OSBPL3: variants seen among roughly 807,000 people sequenced by gnomAD.
OSBPL3 encodes oxysterol-binding protein-related protein 3.
Under a neutral mutation model 120.1 loss-of-function variants are expected in OSBPL3, and 65 were observed. That is an observed-to-expected ratio of 0.54 (90% CI 0.44 to 0.67). The LOEUF (loss-of-function observed/expected upper bound fraction) is 0.67. OSBPL3 is among the 30% of genes least tolerant of loss of function. The probability of loss-of-function intolerance (pLI) is 0.00; values close to 1 mark genes in which losing one functional copy is unlikely to be tolerated. For synonymous variants in OSBPL3, 416 were observed against 402.6 expected, an observed-to-expected ratio of 1.03 and a Z score of -0.40; for missense variants, 1,004 against 1,082.1, an observed-to-expected ratio of 0.93 and a Z score of 1.01.
chr7:24,868,944 T>G lies in OSBPL3; in HGVS notation c.381+1788A>C, dbSNP rs192588139. ...ATAACTGTCCAGGGTCCTGTTCCAG[T>G]CTCTCAAGCAGTTCTAGGGCCGTGG... On this transcript the variant is annotated intron_variant, in intron 5 of 22. Coordinates refer to ENST00000313367, the MANE Select transcript of OSBPL3 (RefSeq NM_015550.4). 2.5e-3 allele frequency among the ~76,000 whole-genome samples: 380 copies of G among 152,312 alleles called. 2 individuals carry two copies. The highest frequency in any genetic ancestry group is 8.3e-3 in the African/African-American group (346 of 41,566).
chr7:24,842,211 T>G, intron 13 of OSBPL3, 68 bp downstream of exon 13: 1 of 1,502,710 alleles, frequency 6.7e-7, no homozygotes, highest in Admixed American at 1.8e-5. Flanking sequence ...GATTATTTAC[T>G]GAACAGATTA....
Position 24,803,836 on chromosome 7 carries a change from TA to T in OSBPL3, c.2567+478del, listed in dbSNP as rs1365313060. On this transcript the variant is annotated intron_variant, in intron 22 of 22. Transcript: ENST00000313367. This position sits in a 1 kb window ranked among gnomAD's most constrained non-coding sequence, Gnocchi z 4.2. Reference sequence around the variant, plus strand: ...TGGCAAGTTATTTTAAAGATAACAGTAAATGTAAGCCCAAGTGTACTGGAAC... The same window carrying T: ...TGGCAAGTTATTTTAAAGATAACAGTAATGTAAGCCCAAGTGTACTGGAAC... Among the ~76,000 whole-genome samples the T allele has an allele frequency of 1.3e-5, 2 of 152,128 alleles. No individual in the cohort carries two copies. Among genetic ancestry groups the T allele is most frequent in the Admixed American group, 6.5e-5 (1 of 15,278 alleles).
chr7:24,871,836 AG>A lies in OSBPL3; in HGVS notation c.214-42del. Reference sequence around the variant, plus strand: ...TATTATTAATTAAGGCATTCAATTTAGGTGCCCTTTTCTTGGTCTCAAATTC... The same window carrying A: ...TATTATTAATTAAGGCATTCAATTTAGTGCCCTTTTCTTGGTCTCAAATTC... On this transcript the variant is annotated intron_variant, in intron 3 of 22. Transcript: ENST00000313367. This position sits in a 1 kb window ranked among gnomAD's most constrained non-coding sequence, Gnocchi z 4.8. The A allele has an allele frequency of 1.3e-6, 2 of 1,535,994 alleles. No individual in the cohort carries two copies. The highest frequency in any genetic ancestry group is 1.8e-6 in the Non-Finnish European group (2 of 1,109,658).
intron 1 of OSBPL3, among the ~76,000 whole-genome samples, chr7:24,926,050 G>A (rs993509676): frequency 6.6e-6 from 1 of 152,200 alleles, no homozygotes; most frequent in Non-Finnish European, 1.5e-5. Flanking sequence ...CTACTATCAG[G>A]CAGTTCCCAT....
intron 10 of OSBPL3, among the ~76,000 whole-genome samples, chr7:24,861,374 GA>G (rs1354877362): frequency 1.3e-5 from 2 of 152,140 alleles, no homozygotes; most frequent in East Asian, 3.8e-4. Flanking sequence ...AACATCACAT[GA>G]ATTGCTCAGC....
In OSBPL3 at chr7:24,819,628, G is replaced by A. The variant is rs1794876381; in HGVS notation, c.1948+547C>T. On this transcript the variant is annotated intron_variant, in intron 17 of 22. Transcript: ENST00000313367. The surrounding 1 kb of genome is among the most constrained non-coding windows in gnomAD (Gnocchi z 4.1). ...TTTTTAAAATGTATATGTGCTCACT[G>A]TCCAAAAACCTAGGATGCTTATATG... Among the ~76,000 whole-genome samples the A allele has an allele frequency of 6.6e-6, 1 of 152,082 alleles. No individual in the cohort carries two copies. The highest frequency in any genetic ancestry group is 2.4e-5 in the African/African-American group (1 of 41,396).
intron 12 of OSBPL3, 34 bp from the exon 13 acceptor site, chr7:24,842,447 T>C: frequency 2.7e-6 from 4 of 1,491,912 alleles, no homozygotes; most frequent in Non-Finnish European, 3.7e-6. Flanking sequence ...ATGTATACAT[T>C]TAAAAACATT....
In OSBPL3 at chr7:24,851,484, T is replaced by C. The variant is rs1473906875; in HGVS notation, c.1158+1020A>G. ...AGCATCACTTTTCTTGGCAATACGA[T>C]AAATAGAAAATATGAATCAACATTT... On this transcript the variant is annotated intron_variant, in intron 11 of 22. Coordinates refer to ENST00000313367, the MANE Select transcript of OSBPL3 (RefSeq NM_015550.4). This position sits in a 1 kb window ranked among gnomAD's most constrained non-coding sequence, Gnocchi z 4.1. Among the ~76,000 whole-genome samples, 1 of 152,200 alleles carries C rather than the reference T, an allele frequency of 6.6e-6. No homozygotes were observed. Among genetic ancestry groups the C allele is most frequent in the African/African-American group, 2.4e-5 (1 of 41,448 alleles).
intron 12 of OSBPL3, among the ~76,000 whole-genome samples, chr7:24,848,550 A>G (rs1214422848): frequency 6.6e-6 from 1 of 152,124 alleles, no homozygotes; most frequent in Non-Finnish European, 1.5e-5. Flanking sequence ...CTTTTAACTG[A>G]CCAAGAGACA....
intron 19 of OSBPL3, among the ~76,000 whole-genome samples, 194 bp downstream of exon 19, chr7:24,814,865 G>A (rs548958486): frequency 1.6e-4 from 24 of 152,366 alleles, no homozygotes; most frequent in African/African-American, 5.8e-4. Flanking sequence ...CAGACCTTAG[G>A]GGAGTAAGAG....
Position 24,916,120 on chromosome 7 carries a change from C to T in OSBPL3, c.-149-23499G>A, listed in dbSNP as rs187686794. 8.6e-4 allele frequency among the ~76,000 whole-genome samples: 131 copies of T among 152,330 alleles called. No homozygotes were observed. The highest frequency in any genetic ancestry group is 3.0e-3 in the African/African-American group (125 of 41,580). ...ATTCTCAATCCATCCTGACTCCCAA[C>T]CTTGTGATGGTTTTCACCTCTCTTC... On this transcript the variant is annotated intron_variant, in intron 1 of 22. Transcript: ENST00000313367. This position sits in a 1 kb window ranked among gnomAD's most constrained non-coding sequence, Gnocchi z 4.9.
intron 16 of OSBPL3, among the ~76,000 whole-genome samples, chr7:24,829,701 T>C (rs1439565585): frequency 1.3e-5 from 2 of 152,168 alleles, no homozygotes; most frequent in African/African-American, 4.8e-5. Context: ...CTTAACAAGG[T>C]GGGAGAGGGT....
rs910388791 is a variant in OSBPL3, at chr7:24,977,716, C to T, written c.-150+2170G>A. Among the ~76,000 whole-genome samples the T allele has an allele frequency of 3.3e-5, 5 of 152,214 alleles. No individual in the cohort carries two copies. The South Asian group carries it at 1.0e-3, about 32-fold the overall frequency. ...CTAAAAATACAAAAAATTAGCCGGT[C>T]GTGGTGACGGGCGCCTGTAGTCCCA... On this transcript the variant is annotated intron_variant, in intron 1 of 22. Transcript: ENST00000313367.
rs1278377839 is a variant in OSBPL3 at position 24,820,516 on chromosome 7, G to A, written c.1885-278C>T. ...GGCCAGGTGGCGAGTGATGAGGATAGAGGCGCATTTTGAAAGACATAAAAA... is the reference window on the plus strand; with the variant it reads ...GGCCAGGTGGCGAGTGATGAGGATAAAGGCGCATTTTGAAAGACATAAAAA... On this transcript the variant is annotated intron_variant, in intron 16 of 22. Coordinates refer to ENST00000313367, the MANE Select transcript of OSBPL3 (RefSeq NM_015550.4). The surrounding 1 kb of genome is among the most constrained non-coding windows in gnomAD (Gnocchi z 4.6). 6.6e-6 allele frequency among the ~76,000 whole-genome samples: 1 copy of A among 151,844 alleles called. No homozygotes were observed. The highest frequency in any genetic ancestry group is 1.5e-5 in the Non-Finnish European group (1 of 68,002).
At chr7:24,927,255 T>A (rs1170952121) in intron 1 of OSBPL3, among the ~76,000 whole-genome samples, 2 of 152,242 alleles carry the variant, frequency 1.3e-5, no homozygotes, top group Non-Finnish European at 2.9e-5. Flanking sequence ...ATATTTTATG[T>A]GCAGTTTAGA....
intron 1 of OSBPL3, among the ~76,000 whole-genome samples, chr7:24,921,415 C>T (rs1232637927): frequency 2.0e-5 from 3 of 152,260 alleles, no homozygotes; most frequent in East Asian, 3.9e-4. Context: ...AGGCTGAGTT[C>T]CAAAAGGTAA....
Position 24,830,776 on chromosome 7 carries a change from A to G in OSBPL3, c.1876T>C (p.Ser626Pro). The G allele has an allele frequency of 6.2e-7, 1 of 1,609,716 alleles. No individual in the cohort carries two copies. The highest frequency in any genetic ancestry group is 8.5e-7 in the Non-Finnish European group (1 of 1,178,948). ...AAATGGTGTACATCTACCTGTTCTG[A>G]AAAAAACTGGAAGCCCTTGTCCTCC... ...IREDKGFQFF[S>P]EQVSHHPPIS... is the part of the protein sequence containing the mutation. Residue 626 changes from serine (S) to proline (P), a missense_variant, in exon 16 of 23, where the codon TCA (serine) becomes CCA (proline). By Grantham distance (74) the Ser-to-Pro change is moderately conservative (BLOSUM62 -1). Around this residue, in one of 4 missense-constraint regions of OSBPL3, gnomAD observed 473 missense variants for 568.0 expected, o/e 0.83. Transcript: ENST00000313367. The surrounding 1 kb of genome is among the most constrained non-coding windows in gnomAD (Gnocchi z 4.4).
intron 15 of OSBPL3, among the ~76,000 whole-genome samples, chr7:24,832,374 G>A (rs1299407020): frequency 6.6e-6 from 1 of 151,796 alleles, no homozygotes; most frequent in Non-Finnish European, 1.5e-5. Flanking sequence ...GCCGGGTGTG[G>A]TGGCGCACGC....
chr7:24,944,976 G>A (rs1402678300), intron 1 of OSBPL3, among the ~76,000 whole-genome samples: 1 of 151,928 alleles, frequency 6.6e-6, no homozygotes. Context: ...ATTTTTCCTC[G>A]TATTTGAGAA....
Sources: gnomAD v4.1 joint callset for allele counts (sites outside exome capture counted in the v4.1 genomes callset) on GRCh38, gnomAD v4.1.1 for gene constraint, gnomAD v4.1.1 regional missense constraint, Gnocchi (gnomAD v3.1) non-coding constraint, MANE v1.5 for transcripts, NCBI Gene and HGNC (gene_info 2026-07-23, HGNC 2026-07-21) for gene names.